SCN10A: variants seen among roughly 807,000 people sequenced by gnomAD.
SCN10A encodes the protein sodium channel protein type 10 subunit alpha.
A neutral mutation model predicts 170.7 loss-of-function variants in SCN10A; 162 were observed. The ratio of observed to expected loss-of-function variants is 0.95; its 90% CI spans 0.84 to 1.08. The LOEUF (loss-of-function observed/expected upper bound fraction) is 1.08, where lower values mean the gene tolerates loss of function less well. Ranked by LOEUF, SCN10A falls within the 50% of genes least tolerant of loss-of-function variation. The probability of loss-of-function intolerance (pLI) is 0.00; values close to 1 mark genes in which losing one functional copy is unlikely to be tolerated. For synonymous variants in SCN10A, 985 were observed against 904.6 expected, an observed-to-expected ratio of 1.09 and a Z score of -1.59; for missense variants, 2,527 against 2,436.9, an observed-to-expected ratio of 1.04 and a Z score of -0.78.
At chr3:38,790,565 T>C (rs1398235624) in intron 3 of SCN10A, among the ~76,000 whole-genome samples, 1 of 151,876 alleles carries the variant, frequency 6.6e-6, no homozygotes, top group African/African-American at 2.4e-5. Flanking sequence ...TTCTCTTTAT[T>C]TGTAATTTCC....
At chr3:38,808,493 C>T (rs1440635190) in intron 1 of SCN10A, among the ~76,000 whole-genome samples, 1 of 152,182 alleles carries the variant, frequency 6.6e-6, no homozygotes, top group African/African-American at 2.4e-5. Context: ...AGACCATGTT[C>T]ATATCTTCCT....
intron 17 of SCN10A, among the ~76,000 whole-genome samples, chr3:38,725,798 G>A (rs1021185672): frequency 6.6e-6 from 1 of 152,260 alleles, no homozygotes; most frequent in Admixed American, 6.5e-5. Context: ...GCAGACAGCT[G>A]TCACAGAGTT....
intron 26 of SCN10A, among the ~76,000 whole-genome samples, chr3:38,706,378 G>T (rs965275874): frequency 1.1e-4 from 16 of 152,176 alleles, no homozygotes; most frequent in Non-Finnish European, 2.9e-5. Flanking sequence ...TAATGAAATT[G>T]TGTCATCAGC....
At chr3:38,749,969 C>T (rs1050330784) in intron 13 of SCN10A, 104 bp downstream of exon 13, 1 of 610,156 alleles carries the variant, frequency 1.6e-6, no homozygotes, top group South Asian at 2.5e-5. Flanking sequence ...AATTCCAGTA[C>T]ACAGAGATGG....
Position 38,698,005 on chromosome 3 carries a change from CCTCA to C in SCN10A, c.5211_5214del (p.Ser1737ArgfsTer38), listed in dbSNP as rs1217805286. On this transcript the variant is annotated frameshift_variant, in exon 28 of 28. Transcript: ENST00000449082. LOFTEE classifies it high-confidence loss of function. ...GTCTCATAGAACATGTCAAAGTCGT[CCTCA>C]CTCAGGGGCTCAGTGCTCTCCTCCG... The C allele has an allele frequency of 6.2e-7, 1 of 1,614,162 alleles. No individual in the cohort carries two copies.
chr3:38,699,503 C>T (rs190240971), intron 27 of SCN10A, among the ~76,000 whole-genome samples: 11 of 152,278 alleles, frequency 7.2e-5, no homozygotes, highest in African/African-American at 2.2e-4. Context: ...CAAGCTCTCG[C>T]TCCTTGCCAG....
rs11129804 is a variant in SCN10A, at chr3:38,725,334, A to G, written c.3088-20T>C. 86,606 of 1,553,760 alleles carry G rather than the reference A, an allele frequency of 0.056. 2,763 individuals carry two copies. The highest frequency in any genetic ancestry group is 0.1 in the East Asian group (4,439 of 43,584). On this transcript the variant is annotated intron_variant, in intron 17 of 27. Transcript: ENST00000449082. Reference sequence around the variant, plus strand: ...CTCCTGCTAGTGAGAGAGGGTCCCAACTGGGTGCCTGGCCCCACCCTTAGA... The same window carrying G: ...CTCCTGCTAGTGAGAGAGGGTCCCAGCTGGGTGCCTGGCCCCACCCTTAGA...
Position 38,697,402 on chromosome 3 carries a change from T to C in SCN10A, c.5818A>G (p.Ile1940Val), listed in dbSNP as rs905916841. 1 of 1,614,214 alleles carries C rather than the reference T, an allele frequency of 6.2e-7. No individual in the cohort carries two copies. The highest frequency in any genetic ancestry group is 1.1e-5 in the South Asian group (1 of 91,082). ...CTGGTGGCTTCATCTTCATTTTGTATTGAGCTAGATGTCCTCATGTTGACT... is the reference window on the plus strand; with the variant it reads ...CTGGTGGCTTCATCTTCATTTTGTACTGAGCTAGATGTCCTCATGTTGACT... Reference protein sequence around the residue: ...DRVNMRTSSSIQNEDEATSME... With the variant: ...DRVNMRTSSSVQNEDEATSME... Residue 1940 changes from isoleucine to valine, a missense_variant, in exon 28 of 28, where the codon ATA becomes GTA. Physicochemically the swap from Ile to Val is conservative, Grantham distance 29 (BLOSUM62 3). Coordinates refer to ENST00000449082, the MANE Select transcript of SCN10A (RefSeq NM_006514.4).
At chr3:38,806,882 T>G (rs1440442874) in intron 1 of SCN10A, among the ~76,000 whole-genome samples, 1 of 152,198 alleles carries the variant, frequency 6.6e-6, no homozygotes, top group African/African-American at 2.4e-5. Flanking sequence ...TACTTTTGAA[T>G]ATGGTTCAGC....
chr3:38,758,793 A>T (rs933663362), intron 8 of SCN10A, among the ~76,000 whole-genome samples: 1 of 151,836 alleles, frequency 6.6e-6, no homozygotes, highest in Non-Finnish European at 1.5e-5. Context: ...GCACCTGCCC[A>T]ATAGCAGGCC....
intron 1 of SCN10A, among the ~76,000 whole-genome samples, chr3:38,802,846 A>G (rs1409521824): frequency 6.6e-6 from 1 of 152,202 alleles, no homozygotes; most frequent in African/African-American, 2.4e-5. Flanking sequence ...AGAAACTACC[A>G]TCAGAGTGAA....
intron 14 of SCN10A, 61 bp from the exon 15 acceptor site, chr3:38,739,749 A>G: frequency 7.5e-7 from 1 of 1,332,850 alleles, no homozygotes; most frequent in Non-Finnish European, 1.0e-6. Flanking sequence ...CAATGATAAA[A>G]ATGGCAGCAA....
intron 6 of SCN10A, 119 bp from the exon 7 acceptor site, chr3:38,761,502 C>T (rs982008450): frequency 1.3e-6 from 1 of 775,018 alleles, no homozygotes; most frequent in African/African-American, 1.7e-5. Context: ...GTACACACTC[C>T]AGGGCAGTTC....
At position 38,698,015 on chromosome 3, in the gene SCN10A, G is replaced by C; in HGVS notation, c.5205C>G (p.Pro1735=). 1 of 1,614,106 alleles carries C rather than the reference G, an allele frequency of 6.2e-7. No individual in the cohort carries two copies. Among genetic ancestry groups the C allele is most frequent in the Non-Finnish European group, 8.5e-7 (1 of 1,180,018 alleles). ...FNVATEESTE[P]LSEDDFDMFY... ...ACATGTCAAAGTCGTCCTCACTCAGGGGCTCAGTGCTCTCCTCCGTGGCCA... is the reference window on the plus strand; with the variant it reads ...ACATGTCAAAGTCGTCCTCACTCAGCGGCTCAGTGCTCTCCTCCGTGGCCA... Residue 1735 remains proline (P), a synonymous_variant, in exon 28 of 28, where the codon CCC becomes CCG. Transcript: ENST00000449082.
At chr3:38,741,079 G>A (rs3923697) in intron 14 of SCN10A, among the ~76,000 whole-genome samples, 10,505 of 152,140 alleles carry the variant, frequency 0.069, 442 homozygotes, top group East Asian at 0.1. Context: ...GGATTATGGC[G>A]GAGGGAGTGG....
intron 5 of SCN10A, among the ~76,000 whole-genome samples, chr3:38,769,204 C>T (rs947096800): frequency 1.2e-4 from 17 of 142,288 alleles, no homozygotes; most frequent in Admixed American, 5.6e-4. Flanking sequence ...TCTCTGGTGT[C>T]TCCTTGAATC....
chr3:38,746,186 C>T (rs1217173720), intron 13 of SCN10A, among the ~76,000 whole-genome samples: 1 of 149,590 alleles, frequency 6.7e-6, no homozygotes, highest in East Asian at 2.0e-4. Flanking sequence ...TCCAAGGGCA[C>T]CTGAAACCCA....
chr3:38,697,463 C>T lies in SCN10A; in HGVS notation c.5757G>A (p.Pro1919=), dbSNP rs145340685. ...GGCCTCTAGTGACACTCTCATAGGA[C>T]GGTGGGAATGATGTGGCAGAAGCAG... ...SETASATSFP[P]SYESVTRGLS... is the part of the protein sequence containing the mutation. The change falls in exon 28 of 28, where the codon CCG becomes CCA. Residue 1919 remains proline (P), a synonymous_variant. Transcript: ENST00000449082. The T allele has an allele frequency of 4.7e-5, 76 of 1,613,980 alleles. No homozygotes were observed. Among genetic ancestry groups the T allele is most frequent in the Middle Eastern group, 1.6e-4 (1 of 6,084 alleles).
chr3:38,755,807 G>C lies in SCN10A; in HGVS notation c.1442C>G (p.Pro481Arg), dbSNP rs1259053793. The C allele has an allele frequency of 1.2e-6, 2 of 1,613,792 alleles. No homozygotes were observed. The highest frequency in any genetic ancestry group is 1.7e-6 in the Non-Finnish European group (2 of 1,180,040). The change falls in exon 11 of 28, where the codon CCT becomes CGT. Residue 481 changes from proline (P) to arginine (R), a missense_variant. Physicochemically the swap from Pro to Arg is moderately radical, Grantham distance 103. Transcript: ENST00000449082. ...TEDNKSPRSD[P>R]YNQRRMSFLG... ...TCTTACCATCCTGCGCTGGTTGTAA[G>C]GATCAGAGCGGGGTGATTTGTTGTC... is the stretch of plus-strand genomic sequence containing the variant.
Sources: gnomAD v4.1 joint callset for allele counts (sites outside exome capture counted in the v4.1 genomes callset) on GRCh38, gnomAD v4.1.1 for gene constraint, MANE v1.5 for transcripts, NCBI Gene and HGNC (gene_info 2026-07-23, HGNC 2026-07-21) for gene names.